The following CPQ variants were observed in gnomAD, a reference collection of about 807,000 sequenced individuals.
CPQ encodes Ser-Met dipeptidase.
CPQ carries 37 observed loss-of-function variants against 45.7 expected under a neutral mutation model. That is an observed-to-expected ratio of 0.81 (90% CI 0.62 to 1.07). The LOEUF is 1.07. Among genes scored for constraint, CPQ ranks in the 50% least tolerant of loss-of-function variants. CPQ has a pLI of 0.00. For missense variants in CPQ, 537 were observed against 572.9 expected, an observed-to-expected ratio of 0.94 and a Z score of 0.64; for synonymous variants, 186 against 205.8, an observed-to-expected ratio of 0.90 and a Z score of 0.82.
At chr8:97,046,805 A>ATACTT (rs1307478462) in intron 6 of CPQ, among the ~76,000 whole-genome samples, 2 of 152,200 alleles carry the variant, frequency 1.3e-5, no homozygotes, top group African/African-American at 2.4e-5. Flanking sequence ...GCTCTGGAAA[A>ATACTT]TACTTTATTA....
At chr8:97,015,428 AC>A (rs1319543817) in intron 5 of CPQ, among the ~76,000 whole-genome samples, 1 of 152,116 alleles carries the variant, frequency 6.6e-6, no homozygotes, top group African/African-American at 2.4e-5. Context: ...AAAAAAAAAA[AC>A]AAATTCACAT....
intron 1 of CPQ, among the ~76,000 whole-genome samples, chr8:96,655,626 A>G (rs1400115377): frequency 1.3e-5 from 2 of 152,192 alleles, no homozygotes; most frequent in African/African-American, 2.4e-5. Context: ...TTGACTTACA[A>G]TGGGCTTATG....
intron 1 of CPQ, among the ~76,000 whole-genome samples, chr8:96,779,578 A>T (rs369275028): frequency 1.3e-5 from 2 of 152,284 alleles, no homozygotes; most frequent in East Asian, 3.9e-4. Flanking sequence ...AAGGATATGG[A>T]CTAGGGATCA....
At chr8:97,121,451 C>T (rs1554591363) in intron 7 of CPQ, among the ~76,000 whole-genome samples, 1 of 152,062 alleles carries the variant, frequency 6.6e-6, no homozygotes, top group Non-Finnish European at 1.5e-5. Flanking sequence ...GCTAAACTAG[C>T]CCTAGAATCA....
intron 4 of CPQ, among the ~76,000 whole-genome samples, chr8:96,914,184 T>A (rs150046254): frequency 1.3e-5 from 2 of 152,216 alleles, no homozygotes; most frequent in South Asian, 2.1e-4. Flanking sequence ...AAGTTTTTGT[T>A]TGTGTTTTGC....
chr8:97,028,485 TTAA>T (rs536103538), intron 5 of CPQ, among the ~76,000 whole-genome samples: 104 of 152,372 alleles, frequency 6.8e-4, no homozygotes, highest in Middle Eastern at 3.4e-3. Context: ...ACGAATCCTC[TTAA>T]TAAGATTTAA....
intron 7 of CPQ, among the ~76,000 whole-genome samples, chr8:97,088,194 A>T (rs1258346434): frequency 2.0e-5 from 3 of 152,218 alleles, no homozygotes; most frequent in African/African-American, 7.2e-5. Context: ...AGTGTCATAC[A>T]TTTCATGAAA....
At position 96,980,558 on chromosome 8, in the gene CPQ, T is replaced by C. The variant is rs185488362; in HGVS notation, c.961+14512T>C. Among the ~76,000 whole-genome samples the C allele has an allele frequency of 2.6e-3, 391 of 152,344 alleles. 2 individuals carry two copies. Among genetic ancestry groups the C allele is most frequent in the Middle Eastern group, 3.4e-3 (1 of 294 alleles). On this transcript the variant is annotated intron_variant, in intron 5 of 7. Transcript: ENST00000220763. ...CTGGCCCCTGCTAAGCCATCAATAA[T>C]AGTAACTATTATTATCAGATTCTAA...
At chr8:96,786,071 C>G (rs2130809985) in intron 2 of CPQ, among the ~76,000 whole-genome samples, 1 of 152,230 alleles carries the variant, frequency 6.6e-6, no homozygotes, top group South Asian at 2.1e-4. Flanking sequence ...TTAGAATGTA[C>G]AAGCGATTTT....
At chr8:96,978,349 A>G (rs781499707) in intron 5 of CPQ, among the ~76,000 whole-genome samples, 2 of 152,240 alleles carry the variant, frequency 1.3e-5, no homozygotes, top group African/African-American at 4.8e-5. Flanking sequence ...CATCTGTGAG[A>G]TAAAGCAAGA....
At chr8:96,777,711 T>C (rs2130802870) in intron 1 of CPQ, among the ~76,000 whole-genome samples, 1 of 134,874 alleles carries the variant, frequency 7.4e-6, no homozygotes, top group South Asian at 2.3e-4. Flanking sequence ...ACCCTAAGTC[T>C]GTGTCTTAGA....
intron 1 of CPQ, among the ~76,000 whole-genome samples, chr8:96,740,020 G>C (rs999804732): frequency 2.0e-5 from 3 of 152,054 alleles, no homozygotes; most frequent in Non-Finnish European, 4.4e-5. Context: ...TAGCTTCATG[G>C]GGATGGCATT....
Position 96,899,926 on chromosome 8 carries a change from T to C in CPQ, c.849+19921T>C, listed in dbSNP as rs1812493585. ...TAATGGAGGAAGACAGTTTCTTCTA[T>C]CGTCTAGGGACTTTGAGCCAATTCT... On this transcript the variant is annotated intron_variant, in intron 4 of 7. Transcript: ENST00000220763. Among the ~76,000 whole-genome samples, 2 of 152,184 alleles carry C rather than the reference T, an allele frequency of 1.3e-5. 1 individual carries two copies. Among genetic ancestry groups the C allele is most frequent in the South Asian group, 4.1e-4 (2 of 4,832 alleles).
chr8:96,990,652 G>C (rs1302095675), intron 5 of CPQ, among the ~76,000 whole-genome samples: 1 of 152,166 alleles, frequency 6.6e-6, no homozygotes, highest in Non-Finnish European at 1.5e-5. Flanking sequence ...ACAAACAAGA[G>C]ATAATTCCTA....
rs1365680205 is a variant in CPQ at position 96,743,094 on chromosome 8, C to T, written c.-34-41770C>T. 5.9e-5 allele frequency among the ~76,000 whole-genome samples: 9 copies of T among 152,242 alleles called. No individual in the cohort carries two copies. In the East Asian group the frequency reaches 9.7e-4, roughly 16 times the overall value. ...GTTTTCCAACTTGGTTCCATTCTCC[C>T]GGTCACTTTCAGGCACACCAATCAG... On this transcript the variant is annotated intron_variant, in intron 1 of 7. Coordinates refer to ENST00000220763, the MANE Select transcript of CPQ (RefSeq NM_016134.4).
chr8:96,743,122 G>C (rs1340538402), intron 1 of CPQ, among the ~76,000 whole-genome samples: 1 of 152,126 alleles, frequency 6.6e-6, no homozygotes. Flanking sequence ...CCAATCAGAC[G>C]TAGATTTGGT....
At chr8:97,135,524 A>T (rs576716699) in intron 7 of CPQ, among the ~76,000 whole-genome samples, 1 of 152,224 alleles carries the variant, frequency 6.6e-6, no homozygotes, top group African/African-American at 2.4e-5. Flanking sequence ...TCATTTGCTA[A>T]TGTTGCTGAA....
At chr8:96,738,181 T>G (rs1810017942) in intron 1 of CPQ, among the ~76,000 whole-genome samples, 1 of 152,108 alleles carries the variant, frequency 6.6e-6, no homozygotes, top group Non-Finnish European at 1.5e-5. Context: ...GAAAAGAATG[T>G]GTATTCTCAA....
intron 1 of CPQ, among the ~76,000 whole-genome samples, chr8:96,689,769 C>G (rs571230602): frequency 6.6e-6 from 1 of 151,938 alleles, no homozygotes; most frequent in African/African-American, 2.4e-5. Context: ...TCCATTTTCT[C>G]TCTCTTCCTG....
Sources: allele counts gnomAD v4.1 joint callset (sites outside exome capture counted in the v4.1 genomes callset), GRCh38; gene constraint gnomAD v4.1.1; transcripts MANE v1.5; gene names NCBI Gene and HGNC (gene_info 2026-07-23, HGNC 2026-07-21).